The following SLC35B1 variants were observed in gnomAD, a reference collection of about 807,000 sequenced individuals.
SLC35B1 encodes ATP/ADP exchanger ER.
SLC35B1 carries 27 observed loss-of-function variants against 36.6 expected under a neutral mutation model. That is an observed-to-expected ratio of 0.74 (90% CI 0.54 to 1.02). SLC35B1 has a LOEUF of 1.02. Among genes scored for constraint, SLC35B1 ranks in the 50% least tolerant of loss-of-function variants. The pLI is 0.00. For synonymous variants in SLC35B1, 162 were observed against 152.5 expected (o/e 1.06, Z -0.46); for missense variants, 321 against 383.2 (o/e 0.84, Z 1.35).
chr17:49,705,289 G>A lies in SLC35B1; in HGVS notation c.371-8C>T, dbSNP rs2073401827. On this transcript the variant is annotated splice_region_variant and splice_polypyrimidine_tract_variant and intron_variant, in intron 4 of 8. Transcript: ENST00000240333. ...TCACCCCAAGGAGCATGACTACAGG[G>A]AAAAAACAGAGTGGAAAATTCAGGC... is the stretch of plus-strand genomic sequence containing the variant. 6.2e-7 allele frequency: 1 copy of A among 1,612,388 alleles called. No individual in the cohort carries two copies. Among genetic ancestry groups the A allele is most frequent in the Non-Finnish European group, 8.5e-7 (1 of 1,179,412 alleles).
chr17:49,704,412 G>GC (rs1290982282), intron 5 of SLC35B1, among the ~76,000 whole-genome samples, 186 bp from the exon 6 acceptor site: 58 of 58,048 alleles, frequency 1.0e-3, no homozygotes, highest in Non-Finnish European at 1.7e-3. Context: ...CCCCACCCCC[G>GC]CCCCCCGGCC....
intron 8 of SLC35B1, chr17:49,701,941 AAAT>A (rs1327827606): frequency 2.4e-6 from 1 of 411,692 alleles, no homozygotes; most frequent in Non-Finnish European, 4.8e-6. Context: ...AAAAAAAAAA[AAAT>A]TGGTCAGGTA....
In SLC35B1 at chr17:49,703,289, G is replaced by C. The variant is rs2143648958; in HGVS notation, c.661C>G (p.Leu221Val). Residue 221 changes from leucine to valine, a missense_variant, in exon 7 of 9, where the codon CTG (leucine) becomes GTG (valine). Leu to Val is a conservative substitution (Grantham distance 32, BLOSUM62 1). Coordinates refer to ENST00000240333, the MANE Select transcript of SLC35B1 (RefSeq NM_005827.4). The stretch of plus-strand genomic sequence containing the variant: ...AACTCCCAGAGCTCCCCAGTGAACA[G>C]GATTCCTGAGAAGACATGTCAACAA... The part of the protein sequence containing the change: ...WSTLLLGMGI[L>V]FTGELWEFLS... The C allele has an allele frequency of 6.2e-7, 1 of 1,609,954 alleles. No homozygotes were observed. Among genetic ancestry groups the C allele is most frequent in the East Asian group, 2.2e-5 (1 of 44,826 alleles).
Position 49,707,948 on chromosome 17 carries a change from AGCT to A in SLC35B1, c.-118_-116del. ...CGACCGGCGGCAGGGGCCTCATAGGAGCTGCATGCGACCGCTGTCCAGCAGGGC... is the reference window on the plus strand; with the variant it reads ...CGACCGGCGGCAGGGGCCTCATAGGAGCATGCGACCGCTGTCCAGCAGGGC... On this transcript the variant is annotated 5_prime_UTR_variant, in exon 1 of 9. Coordinates refer to ENST00000240333, the MANE Select transcript of SLC35B1 (RefSeq NM_005827.4). 1 of 1,552,734 alleles carries A rather than the reference AGCT, an allele frequency of 6.4e-7. No individual in the cohort carries two copies. The highest frequency in any genetic ancestry group is 1.2e-5 in the South Asian group (1 of 84,732).
At chr17:49,707,543 C>T in intron 1 of SLC35B1, 187 bp downstream of exon 1, 1 of 1,489,130 alleles carries the variant, frequency 6.7e-7, no homozygotes, top group Admixed American at 2.5e-5. Context: ...TCCGAAGAAT[C>T]CAGAAAATAA....
chr17:49,707,679 C>T, intron 1 of SLC35B1, 51 bp downstream of exon 1: 2 of 1,584,098 alleles, frequency 1.3e-6, no homozygotes, highest in Non-Finnish European at 1.7e-6. Flanking sequence ...GGCCCGGGAT[C>T]CCTGTCACAG....
chr17:49,707,914 G>A lies in SLC35B1; in HGVS notation c.-81C>T, dbSNP rs774259473. 10 of 1,581,206 alleles carry A rather than the reference G, an allele frequency of 6.3e-6. No homozygotes were observed. Among genetic ancestry groups the A allele is most frequent in the Non-Finnish European group, 8.6e-6 (10 of 1,164,034 alleles). On this transcript the variant is annotated 5_prime_UTR_variant, in exon 1 of 9. Coordinates refer to ENST00000240333, the MANE Select transcript of SLC35B1 (RefSeq NM_005827.4). ...GGCGGCGGAGGCGACAGCTCCAGCC[G>A]GACATCGCCGACCGGCGGCAGGGGC...
At chr17:49,707,322 C>G in intron 1 of SLC35B1, 2 of 1,442,440 alleles carry the variant, frequency 1.4e-6, no homozygotes, top group Non-Finnish European at 9.2e-7. Context: ...ACATGCAGAA[C>G]GAGATAGTGA....
intron 1 of SLC35B1, 99 bp downstream of exon 1, chr17:49,707,631 C>A: frequency 6.8e-7 from 1 of 1,469,304 alleles, no homozygotes; most frequent in Non-Finnish European, 9.2e-7. Context: ...GACAGCCGGG[C>A]AGGAGGACAA....
In SLC35B1 at chr17:49,701,494, G is replaced by A; in HGVS notation, c.933C>T (p.Ala311=). 6.2e-7 allele frequency: 1 copy of A among 1,613,632 alleles called. No homozygotes were observed. The highest frequency in any genetic ancestry group is 8.5e-7 in the Non-Finnish European group (1 of 1,179,746). The change falls in exon 9 of 9, where the codon GCC becomes GCT. Residue 311 remains alanine, a synonymous_variant. Transcript: ENST00000240333. The part of the protein sequence containing the change: ...VLVFLGLGLD[A]KFGKGAKKTS... Reference sequence around the variant, plus strand: ...TCTTCTTAGCTCCTTTCCCAAACTTGGCATCAAGACCAAGACCTATGAAAA... The same window carrying A: ...TCTTCTTAGCTCCTTTCCCAAACTTAGCATCAAGACCAAGACCTATGAAAA...
Position 49,707,876 on chromosome 17 carries a change from C to A in SLC35B1, c.-43G>T, listed in dbSNP as rs558517197. ...CGACTGGAGACCCGCTCACAACCGGCACCGGCAGCAGCGGCGGCGGAGGCG... is the reference window on the plus strand; with the variant it reads ...CGACTGGAGACCCGCTCACAACCGGAACCGGCAGCAGCGGCGGCGGAGGCG... On this transcript the variant is annotated 5_prime_UTR_variant, in exon 1 of 9. Coordinates refer to ENST00000240333, the MANE Select transcript of SLC35B1 (RefSeq NM_005827.4). The A allele has an allele frequency of 4.4e-6, 7 of 1,607,730 alleles. No individual in the cohort carries two copies. Among genetic ancestry groups the A allele is most frequent in the Non-Finnish European group, 5.1e-6 (6 of 1,177,898 alleles).
At chr17:49,707,271 C>T (rs1162798181) in intron 1 of SLC35B1, 1 of 1,462,202 alleles carries the variant, frequency 6.8e-7, no homozygotes, top group Non-Finnish European at 9.1e-7. Flanking sequence ...CTACTGATTC[C>T]AAAGCCTAAG....
Position 49,701,007 on chromosome 17 carries a change from T to A in SLC35B1, c.*451A>T, listed in dbSNP as rs777830067. 6 of 153,866 alleles carry A rather than the reference T, an allele frequency of 3.9e-5. No individual in the cohort carries two copies. Among genetic ancestry groups the A allele is most frequent in the Admixed American group, 1.3e-4 (2 of 15,492 alleles). 9.5% of individuals were successfully genotyped at this position (153,866 alleles called of 1,614,324 possible). On this transcript the variant is annotated 3_prime_UTR_variant, in exon 9 of 9. Coordinates refer to ENST00000240333, the MANE Select transcript of SLC35B1 (RefSeq NM_005827.4). ...TTTAGGAGAGGAAGTGACTTTTACATTCTCTGGCTCTAATGGACAGCCACC... is the reference window on the plus strand; with the variant it reads ...TTTAGGAGAGGAAGTGACTTTTACAATCTCTGGCTCTAATGGACAGCCACC...
intron 2 of SLC35B1, 39 bp from the exon 3 acceptor site, chr17:49,706,373 A>AAAC: frequency 6.1e-6 from 7 of 1,156,854 alleles, no homozygotes; most frequent in Non-Finnish European, 6.9e-6. Flanking sequence ...AAAGAAAAGA[A>AAAC]AAGAAAAAAA....
chr17:49,706,176 C>T, intron 3 of SLC35B1, 28 bp downstream of exon 3: 1 of 1,579,992 alleles, frequency 6.3e-7, no homozygotes, highest in Non-Finnish European at 8.5e-7. Flanking sequence ...ATATCTGAGC[C>T]AACCATCATC....
rs143768817 is a variant in SLC35B1, at chr17:49,704,072, T to C, written c.655+28A>G. ...GGGCAGCCTGCCCTCTGGTGATACATGGGAAGAACAGCAGAACTGGCTCTC... is the reference window on the plus strand; with the variant it reads ...GGGCAGCCTGCCCTCTGGTGATACACGGGAAGAACAGCAGAACTGGCTCTC... On this transcript the variant is annotated intron_variant, in intron 6 of 8. Coordinates refer to ENST00000240333, the MANE Select transcript of SLC35B1 (RefSeq NM_005827.4). The C allele has an allele frequency of 1.4e-5, 22 of 1,613,608 alleles. 1 individual carries two copies. The Middle Eastern group carries it at 5.0e-4, about 36-fold the overall frequency.
intron 7 of SLC35B1, 78 bp from the exon 8 acceptor site, chr17:49,703,089 G>T (rs1193131900): frequency 1.3e-6 from 2 of 1,596,026 alleles, no homozygotes; most frequent in Non-Finnish European, 1.7e-6. Context: ...CAGACCTCAG[G>T]GCTAATCTTG....
chr17:49,707,440 G>A, intron 1 of SLC35B1: 1 of 1,460,250 alleles, frequency 6.8e-7, no homozygotes, highest in Non-Finnish European at 9.1e-7. Flanking sequence ...GGGCCGACTC[G>A]GGTCCTGTTT....
chr17:49,707,923 C>G lies in SLC35B1; in HGVS notation c.-90G>C, dbSNP rs764352812. 3 of 1,571,000 alleles carry G rather than the reference C, an allele frequency of 1.9e-6. No individual in the cohort carries two copies. The highest frequency in any genetic ancestry group is 2.3e-5 in the South Asian group (2 of 86,780). ...GGCGACAGCTCCAGCCGGACATCGCCGACCGGCGGCAGGGGCCTCATAGGA... is the reference window on the plus strand; with the variant it reads ...GGCGACAGCTCCAGCCGGACATCGCGGACCGGCGGCAGGGGCCTCATAGGA... On this transcript the variant is annotated 5_prime_UTR_variant, in exon 1 of 9. Transcript: ENST00000240333.
Sources: allele counts gnomAD v4.1 joint callset (sites outside exome capture counted in the v4.1 genomes callset), GRCh38; gene constraint gnomAD v4.1.1; transcripts MANE v1.5; gene names NCBI Gene and HGNC (gene_info 2026-07-23, HGNC 2026-07-21).